GSE1: variants seen among roughly 807,000 people sequenced by gnomAD.
GSE1 encodes the protein Gse1 coiled-coil protein, also known as genetic suppressor element 1.
GSE1 carries 32 observed loss-of-function variants against 112.6 expected under a neutral mutation model. The ratio of observed to expected loss-of-function variants is 0.28; its 90% CI spans 0.21 to 0.38. GSE1 has a LOEUF of 0.38. Among genes scored for constraint, GSE1 ranks in the 10% least tolerant of loss-of-function variants. GSE1 has a pLI of 1.00. For missense variants in GSE1, 2,348 were observed against 1,699.2 expected, an observed-to-expected ratio of 1.38 and a Z score of -6.71; for synonymous variants, 1,115 against 735.6, an observed-to-expected ratio of 1.52 and a Z score of -8.35.
intron 2 of GSE1, among the ~76,000 whole-genome samples, chr16:85,362,831 CT>C (rs67922655): frequency 0.097 from 10,019 of 103,290 alleles, 193 homozygotes; most frequent in Non-Finnish European, 0.11. Context: ...TTATTGATAT[CT>C]TTTTTTTTTT....
At chr16:85,647,744 G>A (rs1160684527) in intron 2 of GSE1, among the ~76,000 whole-genome samples, 4 of 152,296 alleles carry the variant, frequency 2.6e-5, no homozygotes, top group Admixed American at 6.5e-5. Context: ...GCGCCATCAC[G>A]CCCGGCTAAT....
At position 85,571,081 on chromosome 16, in the gene GSE1, C is replaced by T. The variant is rs1459242339; in HGVS notation, c.37+14718C>T. Among the ~76,000 whole-genome samples, 19 of 152,186 alleles carry T rather than the reference C, an allele frequency of 1.2e-4. 1 individual carries two copies. The highest frequency in any genetic ancestry group is 1.0e-4 in the Non-Finnish European group (7 of 68,034). ...AGCATGCCACAAACTGTACTGTGTA[C>T]TCCAGTGACCCGGATCTTGCTAAAG... On this transcript the variant is annotated intron_variant, in intron 1 of 2. Coordinates refer to the GSE1 transcript ENST00000635906.
chr16:85,238,581 C>G (rs751737732), intron 1 of GSE1, among the ~76,000 whole-genome samples: 1 of 152,174 alleles, frequency 6.6e-6, no homozygotes, highest in East Asian at 1.9e-4. Context: ...GCTCTGCCCC[C>G]ACTGGGGCCG....
intron 2 of GSE1, among the ~76,000 whole-genome samples, chr16:85,543,110 G>A (rs1028719954): frequency 4.6e-5 from 7 of 151,706 alleles, no homozygotes; most frequent in African/African-American, 1.7e-4. Flanking sequence ...CCTGTAGGAG[G>A]CTGAGGCAGG....
intron 1 of GSE1, among the ~76,000 whole-genome samples, chr16:85,248,012 C>T (rs1484394162): frequency 6.6e-6 from 1 of 152,190 alleles, no homozygotes; most frequent in African/African-American, 2.4e-5. Context: ...TAGGGGTGAC[C>T]CTGGCTTTAA....
chr16:85,659,471 C>G (rs2052250363), intron 8 of GSE1: 1 of 152,248 alleles, frequency 6.6e-6, no homozygotes, highest in South Asian at 2.1e-4. Context: ...CTGTAGTGTA[C>G]TATACCCACT....
chr16:85,296,375 T>G (rs989164128), intron 1 of GSE1, among the ~76,000 whole-genome samples: 1 of 152,058 alleles, frequency 6.6e-6, no homozygotes, highest in East Asian at 1.9e-4. Context: ...GAGGCCGAGC[T>G]GGGTGGACTG....
chr16:85,233,637 G>T (rs1904321771), intron 1 of GSE1, among the ~76,000 whole-genome samples: 1 of 152,088 alleles, frequency 6.6e-6, no homozygotes, highest in Admixed American at 6.5e-5. Context: ...TGCATGTGGT[G>T]TGTGTGGATG....
chr16:85,605,563 T>G lies in GSE1; in HGVS notation c.38-42989T>G, dbSNP rs1213591149. 2.0e-5 allele frequency among the ~76,000 whole-genome samples: 3 copies of G among 152,028 alleles called. No homozygotes were observed. In the East Asian group the frequency reaches 5.8e-4, roughly 29 times the overall value. ...ACCAAAGTGGGGGCAGGGGGACACG[T>G]TCCTTGCAGGGCAGCAGCTAAGGAA... On this transcript the variant is annotated intron_variant, in intron 1 of 2. Coordinates refer to the GSE1 transcript ENST00000635906.
At chr16:85,175,617 C>G (rs1597719488) in intron 1 of GSE1, among the ~76,000 whole-genome samples, 1 of 152,182 alleles carries the variant, frequency 6.6e-6, no homozygotes, top group East Asian at 1.9e-4. Flanking sequence ...TCTGAGATTG[C>G]AGCCTCTGCC....
At chr16:85,496,752 A>G (rs2151904980) in intron 2 of GSE1, among the ~76,000 whole-genome samples, 1 of 152,356 alleles carries the variant, frequency 6.6e-6, no homozygotes, top group Middle Eastern at 3.4e-3. Context: ...AGGGAGGGGC[A>G]GGAGCAGAGA....
At chr16:85,211,478 G>C (rs983809952) in intron 1 of GSE1, among the ~76,000 whole-genome samples, 2 of 152,202 alleles carry the variant, frequency 1.3e-5, no homozygotes, top group African/African-American at 4.8e-5. Context: ...CTGCCGCGCT[G>C]TGTCACCTTA....
chr16:85,542,014 G>A (rs2044536549), intron 2 of GSE1, among the ~76,000 whole-genome samples: 1 of 152,174 alleles, frequency 6.6e-6, no homozygotes, highest in African/African-American at 2.4e-5. Context: ...AGGGTGGGAG[G>A]CCCAGAAGAC....
chr16:85,387,112 G>T (rs564331544), intron 2 of GSE1, among the ~76,000 whole-genome samples: 1 of 152,326 alleles, frequency 6.6e-6, no homozygotes, highest in African/African-American at 2.4e-5. Flanking sequence ...GACCACCGTG[G>T]TTTCTAGATG....
At chr16:85,451,977 G>C (rs1049858967) in intron 2 of GSE1, among the ~76,000 whole-genome samples, 1 of 152,000 alleles carries the variant, frequency 6.6e-6, no homozygotes, top group Admixed American at 6.5e-5. Context: ...CCCCCTCACC[G>C]AGTTTCTGGT....
intron 1 of GSE1, among the ~76,000 whole-genome samples, chr16:85,264,760 T>C (rs907386216): frequency 1.3e-5 from 2 of 152,092 alleles, no homozygotes; most frequent in African/African-American, 4.8e-5. Context: ...GATGTGAAAT[T>C]GGCCCGTCCC....
intron 1 of GSE1, among the ~76,000 whole-genome samples, chr16:85,255,683 G>A (rs1338514136): frequency 6.6e-6 from 1 of 151,966 alleles, no homozygotes; most frequent in African/African-American, 2.4e-5. Context: ...GATTACAGGC[G>A]TGAGCCACCG....
At chr16:85,627,830 C>T (rs925741835) in intron 1 of GSE1, among the ~76,000 whole-genome samples, 1 of 152,226 alleles carries the variant, frequency 6.6e-6, no homozygotes, top group Non-Finnish European at 1.5e-5. Flanking sequence ...CTAATGAGGG[C>T]AGCAGGGGGG....
chr16:85,498,651 A>AC (rs1336626699), intron 2 of GSE1, among the ~76,000 whole-genome samples: 2 of 151,626 alleles, frequency 1.3e-5, no homozygotes, highest in Non-Finnish European at 2.9e-5. Context: ...CAACCTAGAC[A>AC]CCCCCCACAC....
Sources: gnomAD v4.1 joint callset for allele counts (sites outside exome capture counted in the v4.1 genomes callset) on GRCh38, gnomAD v4.1.1 for gene constraint, MANE v1.5 for transcripts, NCBI Gene and HGNC (gene_info 2026-07-23, HGNC 2026-07-21) for gene names.